The following PARP2 variants were observed in gnomAD, a reference collection of about 807,000 sequenced individuals.
The protein encoded by PARP2 is poly [ADP-ribose] polymerase 2.
PARP2 carries 57 observed loss-of-function variants against 77.8 expected under a neutral mutation model. That is an observed-to-expected ratio of 0.73 (90% CI 0.59 to 0.91). The LOEUF (loss-of-function observed/expected upper bound fraction) is 0.91. Among genes scored for constraint, PARP2 ranks in the 40% least tolerant of loss-of-function variants. The pLI is 0.00. For synonymous variants in PARP2, 226 were observed against 242.6 expected, an observed-to-expected ratio of 0.93 and a Z score of 0.64; for missense variants, 651 against 689.0, an observed-to-expected ratio of 0.94 and a Z score of 0.62.
At chr14:20,351,846 C>G (rs1224952804) in intron 6 of PARP2, among the ~76,000 whole-genome samples, 1 of 149,042 alleles carries the variant, frequency 6.7e-6, no homozygotes, top group Non-Finnish European at 1.5e-5. Context: ...AGACCCCTGA[C>G]TCTCCCCCAA....
At chr14:20,354,034 C>G (rs745388318) in intron 7 of PARP2, 51 bp from the exon 8 acceptor site, 1 of 1,427,624 alleles carries the variant, frequency 7.0e-7, no homozygotes, top group South Asian at 1.2e-5. Flanking sequence ...TATAAGGAAT[C>G]TAGAGATGAT....
intron 7 of PARP2, 47 bp from the exon 8 acceptor site, chr14:20,354,038 A>G (rs1161504688): frequency 5.5e-6 from 8 of 1,444,234 alleles, no homozygotes; most frequent in Non-Finnish European, 5.8e-6. Context: ...AGGAATCTAG[A>G]GATGATTTCT....
In PARP2 at chr14:20,346,719, A is replaced by T. The variant is rs1883733412; in HGVS notation, c.274-144A>T. 7 of 628,242 alleles carry T rather than the reference A, an allele frequency of 1.1e-5. No individual in the cohort carries two copies. In the South Asian group the frequency reaches 1.4e-4, roughly 12 times the overall value. The allele number at this position is 628,242 out of a possible 1,614,324, so 38.9% of individuals were successfully genotyped here. A position where few individuals can be genotyped will look rare whatever the true frequency, so the allele number is the denominator to read the frequency against. On this transcript the variant is annotated intron_variant, in intron 3 of 15. Coordinates refer to ENST00000429687, the MANE Select transcript of PARP2 (RefSeq NM_001042618.2). ...TACACCCAGGTTACTGGTAGAACAT[A>T]GGTTTGCAATTCTTTCCTTGGGAGA...
chr14:20,357,285 G>A, intron 14 of PARP2, 111 bp from the exon 15 acceptor site: 3 of 1,362,120 alleles, frequency 2.2e-6, no homozygotes. Flanking sequence ...TAGTACATTG[G>A]ATTCCTCTGC....
At chr14:20,357,199 T>C in intron 14 of PARP2, 50 bp downstream of exon 14, 2 of 1,464,062 alleles carry the variant, frequency 1.4e-6, no homozygotes, top group Non-Finnish European at 1.9e-6. Flanking sequence ...TCCAGTTTTT[T>C]TCCGATGAGA....
At chr14:20,344,759 G>A (rs1325793734) in intron 1 of PARP2, among the ~76,000 whole-genome samples, 173 bp from the exon 2 acceptor site, 1 of 152,200 alleles carries the variant, frequency 6.6e-6, no homozygotes, top group Non-Finnish European at 1.5e-5. Context: ...GTTGCAGTGA[G>A]CCAAGATCGC....
chr14:20,351,032 G>A lies in PARP2; in HGVS notation c.422-15G>A. The A allele has an allele frequency of 6.2e-7, 1 of 1,607,452 alleles. No individual in the cohort carries two copies. Among genetic ancestry groups the A allele is most frequent in the South Asian group, 1.1e-5 (1 of 90,874 alleles). On this transcript the variant is annotated splice_polypyrimidine_tract_variant and intron_variant, in intron 5 of 15. Transcript: ENST00000429687. The stretch of plus-strand genomic sequence containing the variant: ...CTCTTAGGGAACTATCTTATGTGTG[G>A]CATTTCCTTTGCAGTTGGGAAAATG...
At chr14:20,345,340 C>T in intron 2 of PARP2, 54 bp from the exon 3 acceptor site, 1 of 1,473,750 alleles carries the variant, frequency 6.8e-7, no homozygotes, top group Admixed American at 1.7e-5. Flanking sequence ...TTCTGTTTTA[C>T]CACAACAGCT....
At chr14:20,351,973 G>T (rs1358233525) in intron 6 of PARP2, among the ~76,000 whole-genome samples, 2 of 152,196 alleles carry the variant, frequency 1.3e-5, no homozygotes, top group Non-Finnish European at 2.9e-5. Context: ...GAGATTAGAT[G>T]GATATCTTTT....
At chr14:20,352,568 T>TTTTTTTTTTTGG in intron 7 of PARP2, 1 of 294,806 alleles carries the variant, frequency 3.4e-6, no homozygotes, top group Non-Finnish European at 6.2e-6. Flanking sequence ...CTTTTTTTTT[T>TTTTTTTTTTTGG]GTAAAGATGA....
intron 8 of PARP2, 59 bp downstream of exon 8, chr14:20,354,306 A>G: frequency 7.8e-7 from 1 of 1,279,912 alleles, no homozygotes; most frequent in Non-Finnish European, 1.1e-6. Context: ...CCTTTAATGG[A>G]TACTTTATTA....
intron 1 of PARP2, 61 bp from the exon 2 acceptor site, chr14:20,344,871 C>T (rs1883651495): frequency 4.7e-6 from 5 of 1,073,470 alleles, no homozygotes; most frequent in Non-Finnish European, 6.9e-6. Flanking sequence ...TTTTTTCAAT[C>T]TTTAAAATCT....
At chr14:20,347,712 G>T (rs1182252475) in intron 4 of PARP2, among the ~76,000 whole-genome samples, 4 of 151,526 alleles carry the variant, frequency 2.6e-5, no homozygotes, top group Non-Finnish European at 4.4e-5. Flanking sequence ...CGCCCGGCAA[G>T]TCCTTTATAT....
chr14:20,345,578 A>C, intron 3 of PARP2, 114 bp downstream of exon 3: 1 of 717,378 alleles, frequency 1.4e-6, no homozygotes, highest in South Asian at 1.8e-5. Flanking sequence ...CCTCTCCAAA[A>C]TATGATGAGT....
intron 4 of PARP2, among the ~76,000 whole-genome samples, chr14:20,349,625 G>C (rs546653695): frequency 2.5e-4 from 38 of 152,220 alleles, no homozygotes; most frequent in African/African-American, 9.1e-4. Flanking sequence ...AATGAGCGGA[G>C]GTTGCACCAC....
intron 5 of PARP2, 176 bp downstream of exon 5, chr14:20,350,798 A>C (rs1883925740): frequency 1.6e-6 from 1 of 610,384 alleles, no homozygotes; most frequent in Non-Finnish European, 2.9e-6. Context: ...CATCCTCCTT[A>C]GAGTTCCCAC....
chr14:20,351,834 C>T (rs1883966065), intron 6 of PARP2, among the ~76,000 whole-genome samples: 1 of 151,322 alleles, frequency 6.6e-6, no homozygotes, highest in African/African-American at 2.4e-5. Flanking sequence ...GGCAACAAAG[C>T]GAGACCCCTG....
At chr14:20,353,856 TG>T (rs1884046607) in intron 7 of PARP2, among the ~76,000 whole-genome samples, 1 of 152,162 alleles carries the variant, frequency 6.6e-6, no homozygotes, top group African/African-American at 2.4e-5. Context: ...AGAACTTGGA[TG>T]GTCAACCCTC....
rs1162163358 is a variant in PARP2, at chr14:20,355,758, T to C, written c.909T>C (p.Arg303=). ...YTRIPHDFGL[R]TPPLIRTQKE... ...GTTATATCTCTGTTCTTAGACTCCGTACTCCTCCACTAATCCGGACACAGA... is the reference window on the plus strand; with the variant it reads ...GTTATATCTCTGTTCTTAGACTCCGCACTCCTCCACTAATCCGGACACAGA... Residue 303 remains arginine, a synonymous_variant, in exon 10 of 16, where the codon CGT becomes CGC. Transcript: ENST00000429687. 6.2e-7 allele frequency: 1 copy of C among 1,613,010 alleles called. No homozygotes were observed. The highest frequency in any genetic ancestry group is 2.2e-5 in the East Asian group (1 of 44,874).
Sources: allele counts gnomAD v4.1 joint callset (sites outside exome capture counted in the v4.1 genomes callset), GRCh38; gene constraint gnomAD v4.1.1; transcripts MANE v1.5; gene names NCBI Gene and HGNC (gene_info 2026-07-23, HGNC 2026-07-21).